Variants in STK3 observed in about 807,000 individuals in gnomAD.
STK3 encodes the protein serine/threonine kinase 3.
A neutral mutation model predicts 58.0 loss-of-function variants in STK3; 41 were observed. That is an observed-to-expected ratio of 0.71 (90% CI 0.55 to 0.92). The LOEUF is 0.92. Ranked by LOEUF, STK3 falls within the 40% of genes least tolerant of loss-of-function variation. The probability of loss-of-function intolerance (pLI) is 0.00; values close to 1 mark genes in which losing one functional copy is unlikely to be tolerated. For synonymous variants in STK3, 170 were observed against 191.0 expected, an observed-to-expected ratio of 0.89 and a Z score of 0.91; for missense variants, 479 against 602.7, an observed-to-expected ratio of 0.79 and a Z score of 2.15.
At chr8:98,761,859 A>G (rs1313579573) in intron 3 of STK3, among the ~76,000 whole-genome samples, 3 of 152,204 alleles carry the variant, frequency 2.0e-5, no homozygotes, top group Non-Finnish European at 4.4e-5. Context: ...TGCCTCAGAA[A>G]CAGTGTTCAA....
chr8:98,600,496 G>C (rs931231944), intron 6 of STK3, among the ~76,000 whole-genome samples: 1 of 152,124 alleles, frequency 6.6e-6, no homozygotes, highest in African/African-American at 2.4e-5. Context: ...GAGTAAGCTA[G>C]CTTATTCAAG....
chr8:98,428,295 G>C lies in STK3; in HGVS notation n.483+5832C>G, dbSNP rs373045610. 1 of 1,614,104 alleles carries C rather than the reference G, an allele frequency of 6.2e-7. No individual in the cohort carries two copies. The highest frequency in any genetic ancestry group is 2.2e-5 in the East Asian group (1 of 44,880). On this transcript the variant is annotated intron_variant and non_coding_transcript_variant, in intron 3 of 3. Transcript: ENST00000517832. This position sits in a 1 kb window ranked among gnomAD's most constrained non-coding sequence, Gnocchi z 6.7. ...TGTCTTCTCCTTCAGCCAGGAGATC[G>C]AGTACTGGGGCATCAACGAGTTCTT...
intron 2 of STK3, among the ~76,000 whole-genome samples, chr8:98,772,753 T>C (rs778981917): frequency 1.3e-5 from 2 of 152,046 alleles, no homozygotes; most frequent in Non-Finnish European, 2.9e-5. Context: ...CTGCCCTATC[T>C]TGCTCCTGCT....
intron 3 of STK3, among the ~76,000 whole-genome samples, chr8:98,839,414 G>A (rs1835877500): frequency 6.6e-6 from 1 of 152,082 alleles, no homozygotes; most frequent in Admixed American, 6.6e-5. Flanking sequence ...TCAGTGGGTG[G>A]GAGAAGTAAA....
chr8:98,608,138 A>G (rs67186645), intron 6 of STK3, among the ~76,000 whole-genome samples: 16,651 of 152,172 alleles, frequency 0.11, 1,754 homozygotes, highest in East Asian at 0.44. Flanking sequence ...CAGAAAACAA[A>G]TGATTAGAAT....
At chr8:98,385,864 A>G (rs1260082280) in intron 1 of STK3, among the ~76,000 whole-genome samples, 3 of 152,120 alleles carry the variant, frequency 2.0e-5, no homozygotes, top group African/African-American at 7.2e-5. Context: ...ATTCCAAATG[A>G]TTGTGTATTC....
At chr8:98,615,474 G>A (rs1326926939) in intron 6 of STK3, among the ~76,000 whole-genome samples, 13 of 150,286 alleles carry the variant, frequency 8.7e-5, no homozygotes, top group African/African-American at 1.9e-4. Flanking sequence ...TGACTTTGAC[G>A]AGCTGAGAGA....
Position 98,749,392 on chromosome 8 carries a change from TA to T in STK3, c.237-3del. 1 of 1,465,396 alleles carries T rather than the reference TA, an allele frequency of 6.8e-7. No individual in the cohort carries two copies. Among genetic ancestry groups the T allele is most frequent in the Non-Finnish European group, 9.3e-7 (1 of 1,078,170 alleles). 90.8% of individuals were successfully genotyped at this position (1,465,396 alleles called of 1,614,324 possible). On this transcript the variant is annotated splice_polypyrimidine_tract_variant and splice_region_variant and intron_variant, in intron 3 of 10. Coordinates refer to ENST00000419617, the MANE Select transcript of STK3 (RefSeq NM_006281.4). ...CCATAGTACTTTACAACATATGGGC[TA>T]AAGGAAAATACATAAACAATTAAAT...
chr8:98,768,433 A>C (rs1831080627), intron 2 of STK3, among the ~76,000 whole-genome samples: 1 of 152,186 alleles, frequency 6.6e-6, no homozygotes, highest in African/African-American at 2.4e-5. Flanking sequence ...GAGACAAATA[A>C]GTGATAACGC....
intron 6 of STK3, among the ~76,000 whole-genome samples, chr8:98,675,038 C>G (rs192415134): frequency 1.3e-3 from 205 of 152,270 alleles, no homozygotes; most frequent in Middle Eastern, 6.8e-3. Flanking sequence ...ATGCATGTAG[C>G]CTTCACTGTT....
intron 4 of STK3, among the ~76,000 whole-genome samples, chr8:98,715,393 G>A (rs1345803614): frequency 3.3e-5 from 5 of 151,616 alleles, no homozygotes; most frequent in African/African-American, 1.2e-4. Context: ...TCTGACAAAG[G>A]GCTAATATCC....
intron 6 of STK3, among the ~76,000 whole-genome samples, chr8:98,673,744 T>C (rs2130856274): frequency 6.6e-6 from 1 of 152,234 alleles, no homozygotes; most frequent in Admixed American, 6.5e-5. Context: ...TGGTTAATTA[T>C]ATGTTATATG....
chr8:98,832,269 T>TAG (rs1024023193), intron 3 of STK3, among the ~76,000 whole-genome samples: 153 of 147,766 alleles, frequency 1.0e-3, no homozygotes, highest in African/African-American at 3.7e-3. Context: ...TATATATATA[T>TAG]ATAGATATCT....
intron 4 of STK3, among the ~76,000 whole-genome samples, chr8:98,717,410 G>A (rs552971022): frequency 2.0e-5 from 3 of 152,204 alleles, no homozygotes; most frequent in East Asian, 1.9e-4. Flanking sequence ...CAAGAGGCAC[G>A]TGGAAAGATC....
At chr8:98,735,106 G>C (rs566861160) in intron 4 of STK3, among the ~76,000 whole-genome samples, 1 of 152,176 alleles carries the variant, frequency 6.6e-6, no homozygotes, top group East Asian at 1.9e-4. Flanking sequence ...ATACCGAATA[G>C]TAGCCATGCA....
intron 3 of STK3, among the ~76,000 whole-genome samples, chr8:98,402,257 C>T (rs376811120): frequency 1.5e-4 from 23 of 152,246 alleles, no homozygotes; most frequent in South Asian, 4.1e-4. Context: ...GCCATAAGGC[C>T]GGTGCACTTG....
the STK3 span, among the ~76,000 whole-genome samples, chr8:98,364,110 T>C: frequency 6.6e-6 from 1 of 152,114 alleles, no homozygotes; most frequent in Non-Finnish European, 1.5e-5. Context: ...GCAGCGAGCC[T>C]GGGGTTCCTG....
intron 6 of STK3, among the ~76,000 whole-genome samples, chr8:98,687,872 G>A (rs540491585): frequency 2.0e-5 from 3 of 152,134 alleles, no homozygotes; most frequent in African/African-American, 2.4e-5. Flanking sequence ...CTATACAATC[G>A]AGACTACAAA....
chr8:98,710,401 G>A (rs1420106195), intron 4 of STK3, among the ~76,000 whole-genome samples: 9 of 152,174 alleles, frequency 5.9e-5, no homozygotes, highest in Non-Finnish European at 1.3e-4. Context: ...GTCAAAGAAA[G>A]GGGTGACAGA....
Sources: gnomAD v4.1 joint callset for allele counts (sites outside exome capture counted in the v4.1 genomes callset) on GRCh38, gnomAD v4.1.1 for gene constraint, Gnocchi (gnomAD v3.1) non-coding constraint, MANE v1.5 for transcripts, NCBI Gene and HGNC (gene_info 2026-07-23, HGNC 2026-07-21) for gene names.